Variants in NDUFA8 observed in about 807,000 individuals in gnomAD.
The protein encoded by NDUFA8 is NADH dehydrogenase [ubiquinone] 1 alpha subcomplex subunit 8.
Under a neutral mutation model 20.9 loss-of-function variants are expected in NDUFA8, and 16 were observed. The observed-to-expected ratio is 0.77, with a 90% CI of 0.52 to 1.16. The LOEUF is 1.16. Among genes scored for constraint, NDUFA8 ranks in the 50% most tolerant of loss-of-function variants. The pLI is 0.00. For synonymous variants in NDUFA8, 70 were observed against 76.1 expected, an observed-to-expected ratio of 0.92 and a Z score of 0.41; for missense variants, 202 against 216.4, an observed-to-expected ratio of 0.93 and a Z score of 0.42.
chr9:122,133,313 T>C, the NDUFA8 span, among the ~76,000 whole-genome samples: 1 of 152,218 alleles, frequency 6.6e-6, no homozygotes, highest in Admixed American at 6.5e-5. Context: ...CCCCAGGTAC[T>C]GTCCATGGCA....
downstream of NDUFA8, among the ~76,000 whole-genome samples, chr9:122,140,707 A>G (rs1828806617): frequency 6.6e-6 from 1 of 152,242 alleles, no homozygotes. Context: ...CAGTCTTATA[A>G]CAATGCTACC....
At chr9:122,144,428 A>C (rs1828871948) in intron 3 of NDUFA8, 50 bp from the exon 4 acceptor site, 3 of 1,569,142 alleles carry the variant, frequency 1.9e-6, no homozygotes, top group Non-Finnish European at 2.6e-6. Context: ...AGGGTGGAGG[A>C]ATCTGTAACC....
intron 1 of NDUFA8, among the ~76,000 whole-genome samples, 186 bp downstream of exon 1, chr9:122,159,441 G>C (rs1017147865): frequency 2.0e-5 from 3 of 152,168 alleles, no homozygotes; most frequent in Admixed American, 6.5e-5. Context: ...GCGACAGGGT[G>C]GGGTAGAGAG....
intron 3 of NDUFA8, among the ~76,000 whole-genome samples, chr9:122,144,714 C>T (rs1828875667): frequency 6.6e-6 from 1 of 152,186 alleles, no homozygotes; most frequent in South Asian, 2.1e-4. Context: ...GAGACAGGAA[C>T]TGCCTCTATA....
chr9:122,137,507 C>T, the NDUFA8 span, among the ~76,000 whole-genome samples: 1 of 152,276 alleles, frequency 6.6e-6, no homozygotes, highest in Middle Eastern at 3.4e-3. Flanking sequence ...TCCCAAAGTG[C>T]TGGGATTACA....
At chr9:122,154,878 G>C (rs1829055104) in intron 1 of NDUFA8, among the ~76,000 whole-genome samples, 1 of 152,076 alleles carries the variant, frequency 6.6e-6, no homozygotes, top group Non-Finnish European at 1.5e-5. Flanking sequence ...TTCTATACCA[G>C]AAAAGACTAA....
chr9:122,136,159 T>TTC, the NDUFA8 span, among the ~76,000 whole-genome samples: 1 of 152,040 alleles, frequency 6.6e-6, no homozygotes, highest in African/African-American at 2.4e-5. Flanking sequence ...TTCTCTCTCT[T>TTC]TCTCTCTCTC....
At chr9:122,149,389 A>G (rs1364317327) in intron 2 of NDUFA8, among the ~76,000 whole-genome samples, 1 of 152,250 alleles carries the variant, frequency 6.6e-6, no homozygotes, top group African/African-American at 2.4e-5. Context: ...CTTTGGTAGA[A>G]AGCAACCATT....
Position 122,148,220 on chromosome 9 carries a change from A to G in NDUFA8, c.273T>C (p.Tyr91=), listed in dbSNP as rs758892525. 106 of 1,614,106 alleles carry G rather than the reference A, an allele frequency of 6.6e-5. No homozygotes were observed. The highest frequency in any genetic ancestry group is 8.7e-5 in the Non-Finnish European group (103 of 1,180,044). Residue 91 remains tyrosine (Y), a synonymous_variant, in exon 3 of 4, where the codon TAT becomes TAC. Coordinates refer to ENST00000373768, the MANE Select transcript of NDUFA8 (RefSeq NM_014222.3). ...PFTEYWTCID[Y]TGQQLFRHCR... Reference sequence around the variant, plus strand: ...AGTGACGAAATAACTGCTGGCCAGTATAATCAATGCAAGTCCAATATTCTG... The same window carrying G: ...AGTGACGAAATAACTGCTGGCCAGTGTAATCAATGCAAGTCCAATATTCTG...
chr9:122,147,617 ATT>A (rs34576446), intron 3 of NDUFA8, among the ~76,000 whole-genome samples: 8 of 106,758 alleles, frequency 7.5e-5, no homozygotes, highest in Admixed American at 2.3e-4. Context: ...GCCTAAAGAA[ATT>A]TTTTTTTTTT....
At chr9:122,154,847 T>C (rs1042331103) in intron 1 of NDUFA8, among the ~76,000 whole-genome samples, 3 of 152,216 alleles carry the variant, frequency 2.0e-5, no homozygotes, top group African/African-American at 4.8e-5. Flanking sequence ...TAATTCTAAT[T>C]AGTTTTGCTT....
intron 1 of NDUFA8, among the ~76,000 whole-genome samples, chr9:122,157,586 A>C (rs1829093514): frequency 6.6e-6 from 1 of 151,932 alleles, no homozygotes; most frequent in Non-Finnish European, 1.5e-5. Context: ...TATGAAGTAG[A>C]ACTTCAGATG....
At chr9:122,152,489 A>T in intron 1 of NDUFA8, 81 bp from the exon 2 acceptor site, 1 of 1,335,068 alleles carries the variant, frequency 7.5e-7, no homozygotes, top group African/African-American at 1.4e-5. Context: ...TGCGGGTCAG[A>T]ATAGAGAACA....
At chr9:122,151,221 A>T (rs1427998966) in intron 2 of NDUFA8, among the ~76,000 whole-genome samples, 1 of 152,154 alleles carries the variant, frequency 6.6e-6, no homozygotes, top group Non-Finnish European at 1.5e-5. Context: ...CTGCCTAGCC[A>T]GCAGTCATTC....
chr9:122,147,240 G>T (rs1306649692), intron 3 of NDUFA8, among the ~76,000 whole-genome samples: 1 of 143,006 alleles, frequency 7.0e-6, no homozygotes, highest in Non-Finnish European at 1.6e-5. Context: ...ACAATGAGAG[G>T]ATTAAAAAAA....
the NDUFA8 span, among the ~76,000 whole-genome samples, chr9:122,135,456 G>A: frequency 6.6e-6 from 1 of 152,194 alleles, no homozygotes. Context: ...TGGCCTGGGC[G>A]AGACACTTCA....
downstream of NDUFA8, among the ~76,000 whole-genome samples, chr9:122,142,110 T>C (rs1471916685): frequency 1.3e-5 from 2 of 152,238 alleles, no homozygotes; most frequent in African/African-American, 2.4e-5. Flanking sequence ...TATTCCCTCA[T>C]TACCTGTGTG....
chr9:122,141,151 T>C (rs957454507), downstream of NDUFA8, among the ~76,000 whole-genome samples: 2 of 152,138 alleles, frequency 1.3e-5, no homozygotes, highest in Non-Finnish European at 2.9e-5. Flanking sequence ...TAGCATGCTG[T>C]AGAGTATAGG....
the NDUFA8 span, among the ~76,000 whole-genome samples, chr9:122,137,238 C>CTTTTTTTTTTT: frequency 5.6e-5 from 6 of 106,584 alleles, no homozygotes; most frequent in Admixed American, 1.2e-4. Flanking sequence ...TTTTCCTTTC[C>CTTTTTTTTTTT]TTTTTTTTTT....
Sources: gnomAD v4.1 joint callset for allele counts (sites outside exome capture counted in the v4.1 genomes callset) on GRCh38, gnomAD v4.1.1 for gene constraint, MANE v1.5 for transcripts, NCBI Gene and HGNC (gene_info 2026-07-23, HGNC 2026-07-21) for gene names.